CLVS1: variants seen among roughly 807,000 people sequenced by gnomAD.
The protein encoded by CLVS1 is clavesin 1, also known as clavesin-1.
Under a neutral mutation model 33.1 loss-of-function variants are expected in CLVS1, and 10 were observed. The ratio of observed to expected loss-of-function variants is 0.30; its 90% CI spans 0.19 to 0.51. The LOEUF (loss-of-function observed/expected upper bound fraction) is 0.51. Ranked by LOEUF, CLVS1 falls within the 20% of genes least tolerant of loss-of-function variation. The pLI is 0.97. For missense variants in CLVS1, 343 were observed against 433.4 expected (o/e 0.79, Z 1.85); for synonymous variants, 163 against 166.1 (o/e 0.98, Z 0.14).
chr8:61,127,319 A>C (rs1466117029), intron 1 of CLVS1, among the ~76,000 whole-genome samples: 1 of 151,502 alleles, frequency 6.6e-6, no homozygotes, highest in African/African-American at 2.4e-5. Flanking sequence ...GGTTGAAGCC[A>C]TTCTTCTGCC....
intron 2 of CLVS1, among the ~76,000 whole-genome samples, chr8:61,141,945 C>T (rs911051421): frequency 6.6e-6 from 1 of 152,152 alleles, no homozygotes; most frequent in Non-Finnish European, 1.5e-5. Flanking sequence ...TGTAGGTGTC[C>T]ATCTTCCCTT....
intron 3 of CLVS1, among the ~76,000 whole-genome samples, chr8:61,405,066 T>C (rs966525938): frequency 6.6e-6 from 1 of 152,176 alleles, no homozygotes; most frequent in African/African-American, 2.4e-5. Flanking sequence ...CACTGCTGAG[T>C]ATGTTTGAAT....
intron 2 of CLVS1, among the ~76,000 whole-genome samples, chr8:61,186,870 C>A (rs1327593856): frequency 6.6e-6 from 1 of 152,122 alleles, no homozygotes; most frequent in Non-Finnish European, 1.5e-5. Context: ...ACAGAAAGGG[C>A]AGTTGGACTG....
intron 5 of CLVS1, among the ~76,000 whole-genome samples, chr8:61,474,902 C>T (rs1817860604): frequency 1.3e-5 from 2 of 152,188 alleles, no homozygotes; most frequent in South Asian, 4.1e-4. Context: ...CCCGTTAACT[C>T]GTCATTTAGC....
At chr8:61,196,622 A>C (rs1807615055) in intron 2 of CLVS1, among the ~76,000 whole-genome samples, 1 of 152,212 alleles carries the variant, frequency 6.6e-6, no homozygotes, top group African/African-American at 2.4e-5. Flanking sequence ...GCCAGAGATA[A>C]GCTTCATAAG....
At chr8:61,148,818 AAAG>A (rs1237795349) in intron 2 of CLVS1, among the ~76,000 whole-genome samples, 2 of 152,208 alleles carry the variant, frequency 1.3e-5, no homozygotes, top group Non-Finnish European at 2.9e-5. Flanking sequence ...AACCAAGAGA[AAAG>A]AAGACTGATG....
In CLVS1 at chr8:61,413,800, G is replaced by T. The variant is rs927623296; in HGVS notation, c.630+37021G>T. On this transcript the variant is annotated intron_variant, in intron 3 of 5. Coordinates refer to ENST00000325897, the MANE Select transcript of CLVS1 (RefSeq NM_173519.3). ...TTCTCTAGCTTGGACTAACATTCAGGTGTGTCTGCCATGCAGGGCCATTCT... is the reference window on the plus strand; with the variant it reads ...TTCTCTAGCTTGGACTAACATTCAGTTGTGTCTGCCATGCAGGGCCATTCT... 3.3e-5 allele frequency among the ~76,000 whole-genome samples: 5 copies of T among 152,182 alleles called. No homozygotes were observed. In the East Asian group the frequency reaches 9.6e-4, roughly 29 times the overall value.
chr8:61,396,301 G>C (rs533846654), intron 3 of CLVS1, among the ~76,000 whole-genome samples: 11 of 151,852 alleles, frequency 7.2e-5, no homozygotes, highest in Non-Finnish European at 1.5e-4. Context: ...TCCTTTTACT[G>C]TAATTTGAAT....
chr8:61,301,725 C>T (rs1810444227), intron 2 of CLVS1, among the ~76,000 whole-genome samples: 1 of 152,118 alleles, frequency 6.6e-6, no homozygotes, highest in Non-Finnish European at 1.5e-5. Flanking sequence ...GGGAGTTGGG[C>T]AATGGTAGTC....
chr8:61,011,355 G>A, the CLVS1 span, among the ~76,000 whole-genome samples: 181 of 152,260 alleles, frequency 1.2e-3, no homozygotes, highest in African/African-American at 4.2e-3. Context: ...TAGAAAACAC[G>A]TTAAAAAATT....
chr8:61,454,305 T>C, intron 4 of CLVS1, 54 bp downstream of exon 4: 1 of 1,239,888 alleles, frequency 8.1e-7, no homozygotes, highest in Non-Finnish European at 1.2e-6. Flanking sequence ...GGTGCTTCTA[T>C]TTTCTCTCTC....
intron 1 of CLVS1, among the ~76,000 whole-genome samples, chr8:61,057,766 G>C (rs1016366157): frequency 6.6e-6 from 1 of 152,182 alleles, no homozygotes; most frequent in Non-Finnish European, 1.5e-5. Flanking sequence ...TGCTTGAAGT[G>C]GGTGGATAAA....
intron 3 of CLVS1, among the ~76,000 whole-genome samples, chr8:61,400,034 T>C (rs1157239602): frequency 1.3e-5 from 2 of 152,222 alleles, no homozygotes; most frequent in East Asian, 1.9e-4. Flanking sequence ...TTTGCTTCCA[T>C]ATGAATTTTA....
At chr8:61,043,659 T>C in the CLVS1 span, among the ~76,000 whole-genome samples, 4 of 152,196 alleles carry the variant, frequency 2.6e-5, no homozygotes, top group Non-Finnish European at 4.4e-5. Flanking sequence ...ACAGTAATGA[T>C]CTAGTCCCAG....
At chr8:60,997,570 G>T in the CLVS1 span, among the ~76,000 whole-genome samples, 2 of 152,106 alleles carry the variant, frequency 1.3e-5, no homozygotes, top group Non-Finnish European at 2.9e-5. Context: ...ATAGGGGGAG[G>T]GTGGCTGACC....
At position 61,499,492 on chromosome 8, in the gene CLVS1, G is replaced by A. The variant is rs1316816191; in HGVS notation, c.1015G>A (p.Glu339Lys). 6 of 1,587,134 alleles carry A rather than the reference G, an allele frequency of 3.8e-6. No homozygotes were observed. The highest frequency in any genetic ancestry group is 5.2e-6 in the Non-Finnish European group (6 of 1,155,334). ...GGTAGAAGCTGGGACCCTGAAACATGAGGAGAAGGGAGAGAATGAGAACAC... is the reference window on the plus strand; with the variant it reads ...GGTAGAAGCTGGGACCCTGAAACATAAGGAGAAGGGAGAGAATGAGAACAC... ...SVVEAGTLKH[E>K]EKGENENTQP... The change falls in exon 6 of 6, where the codon GAG becomes AAG. Residue 339 changes from glutamate to lysine, a missense_variant. Physicochemically the swap from Glu to Lys is moderately conservative, Grantham distance 56. This residue lies in a region of CLVS1 where 86 missense variants were observed against 95.0 expected (regional missense o/e 0.91). Transcript: ENST00000325897.
chr8:61,277,689 C>T (rs944161923), intron 2 of CLVS1, among the ~76,000 whole-genome samples: 9 of 152,104 alleles, frequency 5.9e-5, no homozygotes, highest in African/African-American at 1.9e-4. Flanking sequence ...CAGGGAATTA[C>T]TGAAGTCTCA....
At chr8:61,456,342 A>G (rs944160096) in intron 4 of CLVS1, among the ~76,000 whole-genome samples, 1 of 152,204 alleles carries the variant, frequency 6.6e-6, no homozygotes, top group South Asian at 2.1e-4. Flanking sequence ...TCGCTCCAGC[A>G]TGTTTCATAT....
At chr8:61,382,946 A>G (rs987212610) in intron 3 of CLVS1, among the ~76,000 whole-genome samples, 1 of 152,196 alleles carries the variant, frequency 6.6e-6, no homozygotes, top group African/African-American at 2.4e-5. Context: ...AAAATCAAAT[A>G]GTACATGCAA....
Sources: gnomAD v4.1 joint callset for allele counts (sites outside exome capture counted in the v4.1 genomes callset) on GRCh38, gnomAD v4.1.1 for gene constraint, gnomAD v4.1.1 regional missense constraint, MANE v1.5 for transcripts, NCBI Gene and HGNC (gene_info 2026-07-23, HGNC 2026-07-21) for gene names.